Variants in SNRNP40 observed in about 807,000 individuals in gnomAD.
SNRNP40 encodes U5 small nuclear ribonucleoprotein 40 kDa protein.
SNRNP40 carries 21 observed loss-of-function variants against 45.8 expected under a neutral mutation model. The observed-to-expected ratio is 0.46, with a 90% confidence interval of 0.32 to 0.66. The LOEUF (loss-of-function observed/expected upper bound fraction) is 0.66, where lower values mean the gene tolerates loss of function less well. Ranked by LOEUF, SNRNP40 falls within the 30% of genes least tolerant of loss-of-function variation. The probability of loss-of-function intolerance (pLI) is 0.03; values close to 1 mark genes in which losing one functional copy is unlikely to be tolerated. For missense variants in SNRNP40, 344 were observed against 439.1 expected, an observed-to-expected ratio of 0.78 and a Z score of 1.94; for synonymous variants, 142 against 163.8, an observed-to-expected ratio of 0.87 and a Z score of 1.01.
At chr1:31,266,543 A>G (rs1055609867) in intron 8 of SNRNP40, among the ~76,000 whole-genome samples, 2 of 152,210 alleles carry the variant, frequency 1.3e-5, no homozygotes, top group African/African-American at 4.8e-5. Flanking sequence ...ATACAACAGC[A>G]TCTGACAGAA....
intron 3 of SNRNP40, among the ~76,000 whole-genome samples, chr1:31,290,136 G>C (rs774552510): frequency 1.3e-5 from 2 of 152,082 alleles, no homozygotes; most frequent in African/African-American, 2.4e-5. Context: ...TAGGGTTATA[G>C]GCGTAAGCAA....
intron 5 of SNRNP40, among the ~76,000 whole-genome samples, chr1:31,276,992 C>T (rs1360140947): frequency 6.6e-6 from 1 of 151,834 alleles, no homozygotes; most frequent in East Asian, 1.9e-4. Flanking sequence ...TGAGATTGTG[C>T]CATTGCGCTC....
chr1:31,280,865 T>G (rs1646011988), intron 5 of SNRNP40, among the ~76,000 whole-genome samples: 1 of 152,096 alleles, frequency 6.6e-6, no homozygotes, highest in South Asian at 2.1e-4. Flanking sequence ...ATGGTGAAAC[T>G]GGGATTAGAA....
At chr1:31,263,677 A>G in intron 8 of SNRNP40, 1 of 436,922 alleles carries the variant, frequency 2.3e-6, no homozygotes, top group South Asian at 1.7e-5. Context: ...TATAACTGAT[A>G]TGATATGGCT....
In SNRNP40 at chr1:31,268,097, T is replaced by C. The variant is rs192839411; in HGVS notation, c.859-165A>G. Among the ~76,000 whole-genome samples, 12 of 152,314 alleles carry C rather than the reference T, an allele frequency of 7.9e-5. No homozygotes were observed. In the East Asian group the frequency reaches 2.1e-3, roughly 27 times the overall value. ...TTCTATGGCCCAAAACAGCATACTT[T>C]GTTATTTTACACCATATAAAAACTG... On this transcript the variant is annotated intron_variant, in intron 7 of 9. Transcript: ENST00000263694.
At chr1:31,277,883 C>T (rs926099203) in intron 5 of SNRNP40, among the ~76,000 whole-genome samples, 2 of 152,110 alleles carry the variant, frequency 1.3e-5, no homozygotes, top group African/African-American at 4.8e-5. Context: ...TTAGTAGAGA[C>T]GGGGTTTTGC....
Position 31,269,258 on chromosome 1 carries a change from A to G in SNRNP40, c.776-18T>C, listed in dbSNP as rs1393514384. ...GACACGAACTGCAAAACAAATCCAA[A>G]TAAACAAACCAACCAAAACAACTAT... On this transcript the variant is annotated intron_variant, in intron 6 of 9. Transcript: ENST00000263694. 6 of 1,612,692 alleles carry G rather than the reference A, an allele frequency of 3.7e-6. No homozygotes were observed. The highest frequency in any genetic ancestry group is 5.1e-6 in the Non-Finnish European group (6 of 1,179,518).
At position 31,277,880 on chromosome 1, in the gene SNRNP40, A is replaced by G. The variant is rs530757264; in HGVS notation, c.654+3494T>C. On this transcript the variant is annotated intron_variant, in intron 5 of 9. Transcript: ENST00000263694. Reference sequence around the variant, plus strand: ...TGGTTAATTTTTGTATTTTTAGTAGAGACGGGGTTTTGCCATGTTGGCCAG... The same window carrying G: ...TGGTTAATTTTTGTATTTTTAGTAGGGACGGGGTTTTGCCATGTTGGCCAG... Among the ~76,000 whole-genome samples the G allele has an allele frequency of 3.3e-5, 5 of 152,318 alleles. No homozygotes were observed. The East Asian group carries it at 9.6e-4, about 29-fold the overall frequency.
Position 31,295,265 on chromosome 1 carries a change from A to G in SNRNP40, c.141+1346T>C, listed in dbSNP as rs369755235. On this transcript the variant is annotated intron_variant, in intron 1 of 9. Transcript: ENST00000263694. ...GTGGTCCCAGCTACTCAGGAGGCTGAGGCAGGAGGATCACTTGAGCCCAGG... is the reference window on the plus strand; with the variant it reads ...GTGGTCCCAGCTACTCAGGAGGCTGGGGCAGGAGGATCACTTGAGCCCAGG... 9.9e-5 allele frequency among the ~76,000 whole-genome samples: 15 copies of G among 152,268 alleles called. 1 individual carries two copies. The East Asian group carries it at 1.5e-3, about 16-fold the overall frequency.
At chr1:31,267,831 C>T (rs377203007) in intron 8 of SNRNP40, 40 bp downstream of exon 8, 4 of 1,529,422 alleles carry the variant, frequency 2.6e-6, no homozygotes, top group Non-Finnish European at 3.6e-6. Context: ...CGCATCCGGC[C>T]AGCTACATCA....
intron 9 of SNRNP40, chr1:31,261,237 G>T (rs1569628328): frequency 2.5e-6 from 1 of 392,200 alleles, no homozygotes; most frequent in East Asian, 6.0e-5. Flanking sequence ...TGTAATCCCA[G>T]CTGCTTGGGA....
chr1:31,261,474 G>C lies in SNRNP40; in HGVS notation c.1024+55C>G, dbSNP rs1433382507. On this transcript the variant is annotated intron_variant, in intron 9 of 9. Transcript: ENST00000263694. ...CCCGCTTTTGACTCTCTATTCCCAG[G>C]ATCCCTACGGGGAGATTTCCAGTTT... 8 of 1,158,726 alleles carry C rather than the reference G, an allele frequency of 6.9e-6. No individual in the cohort carries two copies. The African/African-American group carries it at 1.2e-4, about 18-fold the overall frequency. 71.8% of individuals were successfully genotyped at this position (1,158,726 alleles called of 1,614,324 possible).
chr1:31,288,440 T>C (rs534475199), intron 4 of SNRNP40, among the ~76,000 whole-genome samples: 2 of 152,268 alleles, frequency 1.3e-5, no homozygotes, highest in East Asian at 3.9e-4. Context: ...TCCCAGAATG[T>C]GAGACTGGCT....
At chr1:31,267,534 CATT>C (rs1210482795) in intron 8 of SNRNP40, among the ~76,000 whole-genome samples, 3 of 152,086 alleles carry the variant, frequency 2.0e-5, no homozygotes, top group African/African-American at 7.2e-5. Flanking sequence ...ATAGCTATAT[CATT>C]GTTTTTTTTT....
intron 1 of SNRNP40, among the ~76,000 whole-genome samples, chr1:31,294,846 G>A (rs1419157923): frequency 6.6e-6 from 1 of 151,696 alleles, no homozygotes; most frequent in Non-Finnish European, 1.5e-5. Flanking sequence ...GGAGGCTGAG[G>A]CAGGAGAATC....
At chr1:31,267,755 G>C in intron 8 of SNRNP40, 116 bp downstream of exon 8, 1 of 735,570 alleles carries the variant, frequency 1.4e-6, no homozygotes, top group East Asian at 2.8e-5. Context: ...GGCTGGTCTC[G>C]AACTGACCTC....
chr1:31,261,106 T>G, intron 9 of SNRNP40: 2 of 943,104 alleles, frequency 2.1e-6, no homozygotes, highest in South Asian at 2.7e-5. Context: ...TTTGGGAGGC[T>G]GAGGCGGGTG....
chr1:31,279,872 G>C (rs567646112), intron 5 of SNRNP40, among the ~76,000 whole-genome samples: 1 of 152,002 alleles, frequency 6.6e-6, no homozygotes, highest in Admixed American at 6.5e-5. Context: ...ACTTTGGGAG[G>C]CCGAGGCAGG....
chr1:31,263,120 T>TA (rs1645871809), intron 8 of SNRNP40: 1 of 152,140 alleles, frequency 6.6e-6, no homozygotes, highest in Admixed American at 6.6e-5. Flanking sequence ...ACTACTGAAA[T>TA]ACTGAAATAA....
Sources: gnomAD v4.1 joint callset for allele counts (sites outside exome capture counted in the v4.1 genomes callset) on GRCh38, gnomAD v4.1.1 for gene constraint, MANE v1.5 for transcripts, NCBI Gene and HGNC (gene_info 2026-07-23, HGNC 2026-07-21) for gene names.